Variants in GRIA4 observed in about 807,000 individuals in gnomAD.
GRIA4 encodes glutamate receptor 4.
A neutral mutation model predicts 104.0 loss-of-function variants in GRIA4; 34 were observed. The observed-to-expected ratio is 0.33, with a 90% CI of 0.25 to 0.44. The LOEUF (loss-of-function observed/expected upper bound fraction) is 0.44. GRIA4 is among the 20% of genes least tolerant of loss of function. The pLI is 1.00. For synonymous variants in GRIA4, 386 were observed against 381.9 expected (o/e 1.01, Z -0.13); for missense variants, 750 against 1,096.5 (o/e 0.68, Z 4.46).
At chr11:105,964,105 A>T (rs543655324) in intron 14 of GRIA4, among the ~76,000 whole-genome samples, 4 of 152,122 alleles carry the variant, frequency 2.6e-5, no homozygotes. Flanking sequence ...TCCCAGCAGA[A>T]TTTTTAAAAA....
At position 105,975,761 on chromosome 11, in the gene GRIA4, T is replaced by G. The variant is rs1050240595; in HGVS notation, c.2544+1317T>G. ...GTTTACACCAGCTAAACACGCTTGA[T>G]TTTTTATATTTATTTATATGAAAGC... On this transcript the variant is annotated intron_variant, in intron 16 of 16. Transcript: ENST00000282499. Among the ~76,000 whole-genome samples, 7 of 152,036 alleles carry G rather than the reference T, an allele frequency of 4.6e-5. 1 individual carries two copies. The highest frequency in any genetic ancestry group is 1.0e-4 in the Non-Finnish European group (7 of 67,930).
intron 3 of GRIA4, among the ~76,000 whole-genome samples, chr11:105,685,901 CAA>C (rs1476888545): frequency 1.3e-5 from 2 of 151,066 alleles, no homozygotes; most frequent in African/African-American, 4.9e-5. Flanking sequence ...AATAAGAAAA[CAA>C]TAAACATTTT....
intron 4 of GRIA4, among the ~76,000 whole-genome samples, chr11:105,789,727 T>G (rs549625398): frequency 9.0e-4 from 137 of 152,284 alleles, no homozygotes; most frequent in Non-Finnish European, 1.5e-3. Flanking sequence ...TGACATTACT[T>G]AAAAGAAAAA....
intron 4 of GRIA4, among the ~76,000 whole-genome samples, chr11:105,778,901 C>G (rs1941582192): frequency 1.3e-5 from 2 of 150,294 alleles, no homozygotes; most frequent in Non-Finnish European, 1.5e-5. Context: ...CGTCATTTAA[C>G]ATTAGGTATA....
At chr11:105,966,107 A>G (rs1858355906) in intron 14 of GRIA4, 2 of 1,289,214 alleles carry the variant, frequency 1.6e-6, no homozygotes, top group African/African-American at 1.5e-5. Flanking sequence ...ATGTAAAGTA[A>G]TAGGTGCATC....
At chr11:105,866,390 T>C (rs1301210766) in intron 5 of GRIA4, among the ~76,000 whole-genome samples, 7 of 151,640 alleles carry the variant, frequency 4.6e-5, no homozygotes, top group Admixed American at 4.6e-4. Context: ...TTTCTGGATA[T>C]TTATTCATTC....
intron 4 of GRIA4, among the ~76,000 whole-genome samples, chr11:105,839,769 A>C (rs1195607053): frequency 6.6e-6 from 1 of 152,074 alleles, no homozygotes; most frequent in African/African-American, 2.4e-5. Context: ...GTTCTAGTTC[A>C]TTAATAGTGG....
intron 3 of GRIA4, among the ~76,000 whole-genome samples, chr11:105,615,393 C>G (rs1950575500): frequency 6.6e-6 from 1 of 151,722 alleles, no homozygotes; most frequent in African/African-American, 2.4e-5. Flanking sequence ...GAGGAAGGAA[C>G]AATTTTGGCT....
rs765508117 is a variant in GRIA4, at chr11:105,905,220, G to C, written c.1077G>C (p.Gly359=). Residue 359 remains glycine, a synonymous_variant, in exon 9 of 17, where the codon GGG becomes GGC. Coordinates refer to ENST00000282499, the MANE Select transcript of GRIA4 (RefSeq NM_000829.4). ...AGGTTCGAATTCAAGGGCTGACAGG[G>C]AATGTTCAGTTTGACCACTATGGAC... ...LKQVRIQGLT[G]NVQFDHYGRR... The C allele has an allele frequency of 3.7e-6, 6 of 1,605,860 alleles. No homozygotes were observed. Among genetic ancestry groups the C allele is most frequent in the Non-Finnish European group, 5.1e-6 (6 of 1,172,604 alleles).
chr11:105,664,935 G>A (rs1952120848), intron 3 of GRIA4, among the ~76,000 whole-genome samples: 1 of 152,010 alleles, frequency 6.6e-6, no homozygotes, highest in Admixed American at 6.6e-5. Flanking sequence ...AAAAGAATAA[G>A]CAATTATAAG....
intron 11 of GRIA4, 81 bp downstream of exon 11, chr11:105,918,999 C>T (rs996319298): frequency 2.9e-5 from 24 of 815,454 alleles, no homozygotes; most frequent in Admixed American, 5.6e-5. Context: ...AATTTTTAAA[C>T]GTCTATTATT....
intron 3 of GRIA4, among the ~76,000 whole-genome samples, chr11:105,735,291 T>C (rs1938863970): frequency 6.6e-6 from 1 of 152,104 alleles, no homozygotes; most frequent in Non-Finnish European, 1.5e-5. Flanking sequence ...CCATGGATGT[T>C]TGTAAGTGAA....
chr11:105,831,609 C>T (rs1228810652), intron 4 of GRIA4, among the ~76,000 whole-genome samples: 1 of 152,004 alleles, frequency 6.6e-6, no homozygotes, highest in Non-Finnish European at 1.5e-5. Context: ...AGAATATTGT[C>T]CCCATACTCA....
At chr11:105,874,141 C>A (rs923898159) in intron 5 of GRIA4, among the ~76,000 whole-genome samples, 7 of 152,142 alleles carry the variant, frequency 4.6e-5, no homozygotes, top group African/African-American at 1.7e-4. Context: ...ATATGGCTAG[C>A]CAGTTTTCCC....
intron 11 of GRIA4, among the ~76,000 whole-genome samples, chr11:105,922,065 G>GA (rs1280949764): frequency 6.6e-6 from 1 of 151,966 alleles, no homozygotes; most frequent in East Asian, 1.9e-4. Flanking sequence ...GATGATTAGG[G>GA]AAAAAAATTG....
intron 4 of GRIA4, among the ~76,000 whole-genome samples, chr11:105,846,993 C>T (rs901142030): frequency 1.1e-4 from 17 of 152,114 alleles, no homozygotes; most frequent in African/African-American, 3.1e-4. Context: ...TTTTTGGCAC[C>T]GGGGACCGGT....
At chr11:105,669,211 T>A (rs201205469) in intron 3 of GRIA4, among the ~76,000 whole-genome samples, 2 of 151,850 alleles carry the variant, frequency 1.3e-5, no homozygotes, top group East Asian at 1.9e-4. Flanking sequence ...TAGACCGCAA[T>A]TTTTTTCCTG....
chr11:105,695,201 C>G (rs772951757), intron 3 of GRIA4, among the ~76,000 whole-genome samples: 3 of 152,072 alleles, frequency 2.0e-5, no homozygotes, highest in Non-Finnish European at 4.4e-5. Flanking sequence ...GTGTTTTAGC[C>G]CTGCAGAACA....
chr11:105,706,036 C>T (rs1452898356), intron 3 of GRIA4, among the ~76,000 whole-genome samples: 1 of 152,158 alleles, frequency 6.6e-6, no homozygotes, highest in Non-Finnish European at 1.5e-5. Flanking sequence ...TTCGTACATC[C>T]ACACAGTGCA....
Sources: gnomAD v4.1 joint callset for allele counts (sites outside exome capture counted in the v4.1 genomes callset) on GRCh38, gnomAD v4.1.1 for gene constraint, MANE v1.5 for transcripts, NCBI Gene and HGNC (gene_info 2026-07-23, HGNC 2026-07-21) for gene names.